HERC4: variants seen among roughly 807,000 people sequenced by gnomAD.
HERC4 encodes probable E3 ubiquitin-protein ligase HERC4.
HERC4 carries 28 observed loss-of-function variants against 124.3 expected under a neutral mutation model. The ratio of observed to expected loss-of-function variants is 0.23; its 90% CI spans 0.17 to 0.31. The LOEUF (loss-of-function observed/expected upper bound fraction) is 0.31, where lower values mean the gene tolerates loss of function less well. HERC4 is among the 10% of genes least tolerant of loss of function. HERC4 has a pLI of 1.00. For missense variants in HERC4, 713 were observed against 1,229.3 expected (o/e 0.58, Z 6.28); for synonymous variants, 407 against 421.5 (o/e 0.97, Z 0.42).
At chr10:67,958,912 G>A (rs1256737676) in intron 16 of HERC4, among the ~76,000 whole-genome samples, 1 of 152,072 alleles carries the variant, frequency 6.6e-6, no homozygotes, top group Non-Finnish European at 1.5e-5. Context: ...AATGTTAACA[G>A]AATTTCATTT....
intron 8 of HERC4, among the ~76,000 whole-genome samples, chr10:68,021,987 T>G (rs1412289677): frequency 6.6e-6 from 1 of 152,182 alleles, no homozygotes; most frequent in Non-Finnish European, 1.5e-5. Context: ...TTAGCTGAAT[T>G]TCTATACATT....
intron 8 of HERC4, 121 bp from the exon 9 acceptor site, chr10:68,014,307 T>C: frequency 1.2e-6 from 1 of 853,102 alleles, no homozygotes; most frequent in Non-Finnish European, 1.7e-6. Flanking sequence ...TAAAACCAAT[T>C]GTAGTTCCAA....
At chr10:68,043,834 A>G (rs1429448789) in intron 4 of HERC4, among the ~76,000 whole-genome samples, 1 of 152,152 alleles carries the variant, frequency 6.6e-6, no homozygotes, top group Admixed American at 6.5e-5. Flanking sequence ...ACAAACAAAA[A>G]ACGATTATGC....
chr10:68,073,646 C>G lies in HERC4; in HGVS notation c.-79+11G>C, dbSNP rs1254107943. The stretch of plus-strand genomic sequence containing the variant: ...TGCAATCCTAGTATAATTAAGCTTT[C>G]TAATACCTACCTCCACATCAACAGA... On this transcript the variant is annotated intron_variant, in intron 2 of 24. Transcript: ENST00000373700. The G allele has an allele frequency of 6.6e-6, 1 of 151,974 alleles. No homozygotes were observed. 9.4% of individuals were successfully genotyped at this position (151,974 alleles called of 1,614,324 possible).
At chr10:67,951,599 T>C (rs2033798310) in intron 19 of HERC4, among the ~76,000 whole-genome samples, 1 of 152,168 alleles carries the variant, frequency 6.6e-6, no homozygotes, top group South Asian at 2.1e-4. Flanking sequence ...AACAAGACTG[T>C]CTCCTGAGGA....
At chr10:68,010,248 G>A in intron 9 of HERC4, 1 of 1,031,962 alleles carries the variant, frequency 9.7e-7, no homozygotes, top group South Asian at 1.3e-5. Context: ...ACAGAAACAG[G>A]GGGAAAGGCA....
chr10:67,924,834 T>C (rs2030697320), intron 24 of HERC4, among the ~76,000 whole-genome samples: 2 of 152,194 alleles, frequency 1.3e-5, no homozygotes, highest in Non-Finnish European at 2.9e-5. Flanking sequence ...GTAACCACAG[T>C]TTATTGTAAC....
chr10:67,965,837 G>A (rs2034830746), intron 16 of HERC4: 1 of 109,260 alleles, frequency 9.2e-6, no homozygotes, highest in South Asian at 2.7e-4. Context: ...TACACAAATG[G>A]CTAGCAAATA....
chr10:68,062,798 C>A (rs988287048), intron 3 of HERC4, among the ~76,000 whole-genome samples: 4 of 152,038 alleles, frequency 2.6e-5, no homozygotes, highest in Non-Finnish European at 2.9e-5. Context: ...ACTACCATCA[C>A]AGCCTAACTA....
chr10:68,029,727 C>CAT (rs1331011537), intron 7 of HERC4, among the ~76,000 whole-genome samples: 39 of 147,598 alleles, frequency 2.6e-4, no homozygotes, highest in South Asian at 4.2e-4. Flanking sequence ...ATAATTTTTA[C>CAT]ATATATATAT....
At chr10:67,955,209 A>G in intron 17 of HERC4, 79 bp from the exon 18 acceptor site, 1 of 1,207,108 alleles carries the variant, frequency 8.3e-7, no homozygotes, top group South Asian at 1.4e-5. Flanking sequence ...ACCTCTACCT[A>G]TTAGTTACAG....
At chr10:68,070,172 C>A in intron 3 of HERC4, 1 of 984,734 alleles carries the variant, frequency 1.0e-6, no homozygotes, top group Non-Finnish European at 1.2e-6. Flanking sequence ...GATCCAACAA[C>A]TTTTTATCTT....
In HERC4 at chr10:68,059,576, CATATTATATATCATATTATATATCATA is replaced by C. The variant is rs2040780575; in HGVS notation, c.226+13280_226+13306del. Among the ~76,000 whole-genome samples the C allele has an allele frequency of 2.7e-4, 18 of 65,808 alleles. 1 individual carries two copies. Among genetic ancestry groups the C allele is most frequent in the African/African-American group, 1.4e-3 (16 of 11,204 alleles). 43.2% of individuals were successfully genotyped at this position (65,808 alleles called of 152,430 possible). On this transcript the variant is annotated intron_variant, in intron 3 of 24. Transcript: ENST00000373700. ...TAATATATATCATAATATTATATAT[CATATTATATATCATATTATATATCATA>C]ATATTATATATCATAATATTATATA...
chr10:68,041,944 T>A (rs7099201), intron 4 of HERC4, among the ~76,000 whole-genome samples: 124 of 152,322 alleles, frequency 8.1e-4, no homozygotes, highest in Non-Finnish European at 1.1e-3. Flanking sequence ...ATATTATCCA[T>A]CCACTGGCAT....
chr10:68,065,196 T>C (rs545037424), intron 3 of HERC4, among the ~76,000 whole-genome samples: 2 of 152,276 alleles, frequency 1.3e-5, no homozygotes, highest in East Asian at 3.9e-4. Flanking sequence ...GTGACAATAC[T>C]ATTTACCTAT....
chr10:68,030,210 C>G (rs1055824266), intron 7 of HERC4, among the ~76,000 whole-genome samples: 3 of 151,506 alleles, frequency 2.0e-5, no homozygotes, highest in African/African-American at 7.3e-5. Context: ...GAGGCAGAGG[C>G]GGGCAGATCA....
chr10:67,979,780 C>T (rs1564502070), intron 15 of HERC4, among the ~76,000 whole-genome samples: 1 of 151,754 alleles, frequency 6.6e-6, no homozygotes, highest in East Asian at 1.9e-4. Context: ...ACTAAAAATA[C>T]AAAAAAATTA....
chr10:68,017,742 G>A (rs1340621592), intron 8 of HERC4, among the ~76,000 whole-genome samples: 1 of 152,120 alleles, frequency 6.6e-6, no homozygotes, highest in East Asian at 1.9e-4. Context: ...GTCTGCCTCG[G>A]CCTCCCAAAG....
intron 23 of HERC4, among the ~76,000 whole-genome samples, chr10:67,931,462 CTTT>C (rs898172343): frequency 6.6e-6 from 1 of 151,578 alleles, no homozygotes; most frequent in African/African-American, 2.4e-5. Flanking sequence ...TTGGCTAGGG[CTTT>C]TTTTTGGAGA....
Sources: allele counts gnomAD v4.1 joint callset (sites outside exome capture counted in the v4.1 genomes callset), GRCh38; gene constraint gnomAD v4.1.1; transcripts MANE v1.5; gene names NCBI Gene and HGNC (gene_info 2026-07-23, HGNC 2026-07-21).